The following PEAK1 variants were observed in gnomAD, a reference collection of about 807,000 sequenced individuals.
PEAK1 encodes pseudopodium enriched atypical kinase 1.
In PEAK1, 54 loss-of-function variants were observed where a neutral mutation model predicts 124.7. The ratio of observed to expected loss-of-function variants is 0.43; its 90% CI spans 0.35 to 0.54. PEAK1 has a LOEUF of 0.54. Among genes scored for constraint, PEAK1 ranks in the 20% least tolerant of loss-of-function variants. The probability of loss-of-function intolerance (pLI) is 0.01; values close to 1 mark genes in which losing one functional copy is unlikely to be tolerated. For synonymous variants in PEAK1, 719 were observed against 760.0 expected, an observed-to-expected ratio of 0.95 and a Z score of 0.89; for missense variants, 2,046 against 2,134.5, an observed-to-expected ratio of 0.96 and a Z score of 0.82.
chr15:77,329,342 T>C (rs979670070), intron 2 of PEAK1, among the ~76,000 whole-genome samples: 2 of 152,322 alleles, frequency 1.3e-5, no homozygotes, highest in East Asian at 1.9e-4. Context: ...ATTACTATTA[T>C]TGACCAACAG....
At chr15:77,409,225 GA>G (rs2072195555) in intron 1 of PEAK1, among the ~76,000 whole-genome samples, 2 of 124,736 alleles carry the variant, frequency 1.6e-5, no homozygotes, top group South Asian at 5.2e-4. Flanking sequence ...AATGTACTGG[GA>G]AAATTAAAAT....
At chr15:77,267,381 A>G (rs2061793417) in intron 5 of PEAK1, among the ~76,000 whole-genome samples, 1 of 151,778 alleles carries the variant, frequency 6.6e-6, no homozygotes, top group Non-Finnish European at 1.5e-5. Flanking sequence ...TGAAAGCACC[A>G]CCTCCTATCT....
At chr15:77,407,182 G>A (rs200211427) in intron 1 of PEAK1, among the ~76,000 whole-genome samples, 13 of 152,104 alleles carry the variant, frequency 8.5e-5, no homozygotes, top group African/African-American at 2.2e-4. Context: ...AGATAACATC[G>A]GAAAAACCCT....
At chr15:77,138,239 A>G (rs1201241443) in intron 8 of PEAK1, among the ~76,000 whole-genome samples, 1 of 152,212 alleles carries the variant, frequency 6.6e-6, no homozygotes, top group Non-Finnish European at 1.5e-5. Context: ...GTAAAAATAC[A>G]GTATAAAAGA....
At chr15:77,348,952 A>G in intron 2 of PEAK1, 3 of 948,878 alleles carry the variant, frequency 3.2e-6, no homozygotes, top group Non-Finnish European at 3.8e-6. Flanking sequence ...TATGTCTCTT[A>G]AAATAGAGAT....
intron 1 of PEAK1, among the ~76,000 whole-genome samples, chr15:77,372,865 CCTCT>C (rs144774435): frequency 5.3e-5 from 8 of 150,134 alleles, no homozygotes; most frequent in Admixed American, 1.3e-4. Flanking sequence ...GCACCTTCCT[CCTCT>C]CTCTCTCTCT....
rs191241387 is a variant in PEAK1 at position 77,256,848 on chromosome 15, C to G, written c.-274-4322G>C. 3.9e-4 allele frequency among the ~76,000 whole-genome samples: 60 copies of G among 151,920 alleles called. No homozygotes were observed. The East Asian group carries it at 0.01, about 26-fold the overall frequency. On this transcript the variant is annotated intron_variant, in intron 5 of 9. Coordinates refer to ENST00000682557, the MANE Select transcript of PEAK1 (RefSeq NM_001385026.1). The stretch of plus-strand genomic sequence containing the variant: ...CCATTAACTCGTCATTTAGCATTAG[C>G]TATATCTCCTAATGCTATCCCTCCC...
At position 77,181,678 on chromosome 15, in the gene PEAK1, T is replaced by C. The variant is rs577055213; in HGVS notation, c.249A>G (p.Gln83=). Residue 83 remains glutamine (Q), a synonymous_variant, in exon 7 of 10, where the codon CAA becomes CAG. Coordinates refer to ENST00000682557, the MANE Select transcript of PEAK1 (RefSeq NM_001385026.1). ...GGATGCTAAGCTCACCACATATACT[T>C]TGCCCATCTGCCACTATCATAGTGG... ...VKPTMIVADG[Q]SICGELSIQE... 4 of 1,614,142 alleles carry C rather than the reference T, an allele frequency of 2.5e-6. No individual in the cohort carries two copies. The highest frequency in any genetic ancestry group is 2.2e-5 in the East Asian group (1 of 44,868).
At position 77,344,966 on chromosome 15, in the gene PEAK1, A is replaced by G. The variant is rs1027513972; in HGVS notation, c.-603+20197T>C. ...ATGAAATCTTCAGGGTTTTCTACAT[A>G]TAAGATCATGTCATCTGCAAACAGA... On this transcript the variant is annotated intron_variant, in intron 2 of 9. Transcript: ENST00000682557. 2.0e-5 allele frequency among the ~76,000 whole-genome samples: 3 copies of G among 152,350 alleles called. No individual in the cohort carries two copies. In the South Asian group the frequency reaches 6.2e-4, roughly 32 times the overall value.
chr15:77,420,617 T>C (rs1377416999), upstream of PEAK1: 5 of 340,836 alleles, frequency 1.5e-5, no homozygotes, highest in South Asian at 8.0e-4. Context: ...TCTGCGGGCC[T>C]TCGCAATAAA....
intron 2 of PEAK1, among the ~76,000 whole-genome samples, chr15:77,310,982 A>G (rs1390653471): frequency 6.6e-6 from 1 of 152,230 alleles, no homozygotes; most frequent in East Asian, 1.9e-4. Context: ...ACAGCCTAAG[A>G]TCATTAGGAA....
intron 5 of PEAK1, chr15:77,278,551 T>TA: frequency 2.0e-6 from 1 of 494,302 alleles, no homozygotes; most frequent in South Asian, 1.5e-5. Flanking sequence ...CAAGGTTGTC[T>TA]ACTAAACCTG....
At chr15:77,399,827 G>T (rs1198640143) in intron 1 of PEAK1, among the ~76,000 whole-genome samples, 1 of 152,128 alleles carries the variant, frequency 6.6e-6, no homozygotes, top group Non-Finnish European at 1.5e-5. Context: ...ATCACATCAA[G>T]TTTAACAGCT....
intron 2 of PEAK1, among the ~76,000 whole-genome samples, chr15:77,306,053 G>C (rs1301518039): frequency 2.0e-5 from 3 of 152,066 alleles, no homozygotes; most frequent in East Asian, 3.9e-4. Context: ...AAGGTACTTA[G>C]ACATATAAAA....
chr15:77,283,758 G>T, intron 5 of PEAK1, 125 bp downstream of exon 5: 1 of 276,046 alleles, frequency 3.6e-6, no homozygotes, highest in Non-Finnish European at 5.5e-6. Flanking sequence ...GCATTAGTCA[G>T]GATAACGTAT....
At chr15:77,267,882 A>G (rs1204542280) in intron 5 of PEAK1, among the ~76,000 whole-genome samples, 1 of 152,210 alleles carries the variant, frequency 6.6e-6, no homozygotes, top group Non-Finnish European at 1.5e-5. Flanking sequence ...GAATTGCCAG[A>G]AAAAGAATTC....
intron 2 of PEAK1, chr15:77,355,867 C>G: frequency 1.0e-6 from 1 of 985,318 alleles, no homozygotes; most frequent in Non-Finnish European, 1.2e-6. Context: ...GGAAAAGTTA[C>G]AGCCCTGGAA....
intron 2 of PEAK1, chr15:77,355,828 T>A (rs2067483359): frequency 1.2e-5 from 12 of 985,204 alleles, no homozygotes; most frequent in Non-Finnish European, 1.4e-5. Context: ...ATAGAAAAAC[T>A]GCTGACCCCC....
intron 2 of PEAK1, among the ~76,000 whole-genome samples, chr15:77,308,264 T>C (rs986604417): frequency 6.6e-6 from 1 of 152,074 alleles, no homozygotes; most frequent in Non-Finnish European, 1.5e-5. Flanking sequence ...ATGTCTTCAT[T>C]TGTAAAACTG....
Sources: allele counts gnomAD v4.1 joint callset (sites outside exome capture counted in the v4.1 genomes callset), GRCh38; gene constraint gnomAD v4.1.1; transcripts MANE v1.5; gene names NCBI Gene and HGNC (gene_info 2026-07-23, HGNC 2026-07-21).